Variants in ARHGAP22 observed in about 807,000 individuals in gnomAD.
ARHGAP22 encodes Rho GTPase activating protein 22.
ARHGAP22 carries 48 observed loss-of-function variants against 59.1 expected under a neutral mutation model. The observed-to-expected ratio is 0.81, with a 90% CI of 0.64 to 1.03. The LOEUF (loss-of-function observed/expected upper bound fraction) is 1.03. ARHGAP22 is among the 50% of genes least tolerant of loss of function. ARHGAP22 has a pLI of 0.00. For synonymous variants in ARHGAP22, 445 were observed against 416.4 expected (o/e 1.07, Z -0.84); for missense variants, 1,015 against 958.7 (o/e 1.06, Z -0.78).
chr10:48,438,907 G>A, the ARHGAP22 span: 1 of 152,172 alleles, frequency 6.6e-6, no homozygotes, highest in South Asian at 2.1e-4. Context: ...GTAAATCTTA[G>A]TAAAAATTTT....
chr10:48,505,621 G>A (rs2052032708), intron 3 of ARHGAP22, among the ~76,000 whole-genome samples: 1 of 152,154 alleles, frequency 6.6e-6, no homozygotes, highest in Non-Finnish European at 1.5e-5. Context: ...GTTGGGGCAG[G>A]ACCTGGCTGG....
the ARHGAP22 span, chr10:48,438,632 C>T: frequency 6.6e-6 from 1 of 152,156 alleles, no homozygotes; most frequent in African/African-American, 2.4e-5. Context: ...ATTGAACTAC[C>T]TCACACTAAT....
intron 1 of ARHGAP22, among the ~76,000 whole-genome samples, chr10:48,597,103 C>T (rs568399955): frequency 1.8e-4 from 27 of 152,294 alleles, no homozygotes; most frequent in African/African-American, 6.5e-4. Context: ...TGACTTCCAT[C>T]CCTTATGCTG....
chr10:48,485,874 T>C (rs2049804403), intron 3 of ARHGAP22, among the ~76,000 whole-genome samples: 1 of 152,212 alleles, frequency 6.6e-6, no homozygotes, highest in South Asian at 2.1e-4. Flanking sequence ...CTTATTTGTG[T>C]CTTTACATTT....
chr10:48,546,909 C>G (rs1442970317), intron 3 of ARHGAP22, among the ~76,000 whole-genome samples: 1 of 152,130 alleles, frequency 6.6e-6, no homozygotes, highest in Non-Finnish European at 1.5e-5. Flanking sequence ...TGAATCCTCA[C>G]CACAACCCAA....
rs560492110 is a variant in ARHGAP22 at position 48,621,250 on chromosome 10, T to C, written c.52+30984A>G. On this transcript the variant is annotated intron_variant, in intron 1 of 9. Coordinates refer to the ARHGAP22 transcript ENST00000435790. ...ATATTTCTTTATTTTTTGCAAGAAG[T>C]TGTCCTTATTTTTACATTTTTGCCT... Among the ~76,000 whole-genome samples, 6 of 152,346 alleles carry C rather than the reference T, an allele frequency of 3.9e-5. No individual in the cohort carries two copies. The East Asian group carries it at 1.2e-3, about 29-fold the overall frequency.
intron 1 of ARHGAP22, among the ~76,000 whole-genome samples, chr10:48,649,686 G>C (rs2062469537): frequency 6.6e-6 from 1 of 152,158 alleles, no homozygotes; most frequent in Non-Finnish European, 1.5e-5. Context: ...GCTGGCAGGA[G>C]AGTTCCCTAG....
At chr10:48,540,357 G>A (rs1054349209) in intron 3 of ARHGAP22, among the ~76,000 whole-genome samples, 9 of 152,112 alleles carry the variant, frequency 5.9e-5, no homozygotes, top group East Asian at 1.9e-4. Flanking sequence ...TCAGCCTCCC[G>A]AGTAGCTGGG....
At chr10:48,524,683 C>T (rs1373082032) in intron 3 of ARHGAP22, among the ~76,000 whole-genome samples, 1 of 152,158 alleles carries the variant, frequency 6.6e-6, no homozygotes, top group African/African-American at 2.4e-5. Flanking sequence ...AGTTTCCCAG[C>T]TCACCTGTAC....
At chr10:48,640,573 C>G (rs2062003644) in intron 1 of ARHGAP22, among the ~76,000 whole-genome samples, 1 of 152,038 alleles carries the variant, frequency 6.6e-6, no homozygotes. Context: ...AGGACGTATT[C>G]AAAGTGTTGA....
rs754956322 is a variant in ARHGAP22 at position 48,604,765 on chromosome 10, C to T, written c.32G>A (p.Arg11Lys). The change falls in exon 1 of 10, where the codon AGG (arginine) becomes AAG (lysine). Residue 11 changes from arginine (R) to lysine (K), a missense_variant and splice_region_variant. Transcript: ENST00000249601. ...AAACCCCAGAAAGTTGGACTTACCC[C>T]TCCTGGCCTGCCTGATCTTTGGGCT... The part of the protein sequence containing the change: MLSPKIRQAR[R>K]ARSKSLVMGE... 54 of 1,614,126 alleles carry T rather than the reference C, an allele frequency of 3.3e-5. No homozygotes were observed. The East Asian group carries it at 1.0e-3, about 30-fold the overall frequency.
Position 48,637,103 on chromosome 10 carries a change from G to A in ARHGAP22, c.52+15131C>T, listed in dbSNP as rs114691885. Among the ~76,000 whole-genome samples, 691 of 152,312 alleles carry A rather than the reference G, an allele frequency of 4.5e-3. 8 individuals carry two copies. Among genetic ancestry groups the A allele is most frequent in the African/African-American group, 0.016 (664 of 41,564 alleles). ...TCCCTGCCAGGCCAGTCTCTGAGAA[G>A]CTGATCTCCCCAGAAGCCAACCAGG... On this transcript the variant is annotated intron_variant, in intron 1 of 9. Transcript: ENST00000435790.
intron 5 of ARHGAP22, among the ~76,000 whole-genome samples, chr10:48,457,578 C>T (rs1457594385): frequency 6.6e-6 from 1 of 152,170 alleles, no homozygotes; most frequent in Non-Finnish European, 1.5e-5. Context: ...GCCCTAGGCT[C>T]CGGCCCACAG....
intron 3 of ARHGAP22, chr10:48,524,187 C>T: frequency 9.7e-7 from 1 of 1,026,042 alleles, no homozygotes; most frequent in Non-Finnish European, 1.2e-6. Flanking sequence ...AGGTCCGGCC[C>T]ACGGGCAGTG....
intron 1 of ARHGAP22, among the ~76,000 whole-genome samples, chr10:48,613,460 T>TTA (rs1379930893): frequency 6.6e-6 from 1 of 151,982 alleles, no homozygotes; most frequent in Admixed American, 6.5e-5. Flanking sequence ...TTCTGGACCA[T>TTA]TATTGGAACC....
chr10:48,447,928 G>T (rs1006726329), intron 9 of ARHGAP22, among the ~76,000 whole-genome samples: 1 of 151,906 alleles, frequency 6.6e-6, no homozygotes, highest in African/African-American at 2.4e-5. Context: ...GCACCTGGCC[G>T]CTTCCCCCAC....
chr10:48,531,265 T>G (rs1160353575), intron 3 of ARHGAP22, among the ~76,000 whole-genome samples: 7 of 152,040 alleles, frequency 4.6e-5, no homozygotes, highest in African/African-American at 9.7e-5. Context: ...TTTGGGGAAT[T>G]GGGGGAAAGG....
rs2046356076 is a variant in ARHGAP22, at chr10:48,455,047, C to T, written c.747G>A (p.Glu249=). The change falls in exon 6 of 10, where the codon GAG becomes GAA. Residue 249 remains glutamate (E), a synonymous_variant. Transcript: ENST00000249601. ...PEPVVPFARY[E]DFLSCAQLLT... ...GCAGCTGGGCGCAGCTGAGGAAGTCCTCGTACCTGGCGAAGGGGACCACGG... is the reference window on the plus strand; with the variant it reads ...GCAGCTGGGCGCAGCTGAGGAAGTCTTCGTACCTGGCGAAGGGGACCACGG... 1 of 1,612,130 alleles carries T rather than the reference C, an allele frequency of 6.2e-7. No individual in the cohort carries two copies. The highest frequency in any genetic ancestry group is 8.5e-7 in the Non-Finnish European group (1 of 1,179,240).
At chr10:48,522,804 A>G (rs536911280) in intron 3 of ARHGAP22, among the ~76,000 whole-genome samples, 1 of 152,334 alleles carries the variant, frequency 6.6e-6, no homozygotes, top group Admixed American at 6.5e-5. Context: ...TGGGACAATG[A>G]GAACCTTGCA....
Sources: gnomAD v4.1 joint callset for allele counts (sites outside exome capture counted in the v4.1 genomes callset) on GRCh38, gnomAD v4.1.1 for gene constraint, MANE v1.5 for transcripts, NCBI Gene and HGNC (gene_info 2026-07-23, HGNC 2026-07-21) for gene names.